Variants in TRIM36 observed in about 807,000 individuals in gnomAD.
TRIM36 encodes the protein tripartite motif containing 36, also known as E3 ubiquitin-protein ligase TRIM36.
Under a neutral mutation model 72.4 loss-of-function variants are expected in TRIM36, and 42 were observed. The ratio of observed to expected loss-of-function variants is 0.58; its 90% CI spans 0.45 to 0.75. TRIM36 has a LOEUF of 0.75. TRIM36 is among the 30% of genes least tolerant of loss of function. TRIM36 has a pLI of 0.00. For missense variants in TRIM36, 913 were observed against 857.1 expected (o/e 1.07, Z -0.81); for synonymous variants, 315 against 282.8 (o/e 1.11, Z -1.14).
intron 1 of TRIM36, among the ~76,000 whole-genome samples, chr5:115,166,335 G>A (rs763729472): frequency 2.0e-5 from 3 of 152,158 alleles, no homozygotes; most frequent in African/African-American, 7.2e-5. Flanking sequence ...GCAGATGATA[G>A]GACGACCTGC....
chr5:115,144,732 G>T lies in TRIM36; in HGVS notation c.601C>A (p.Pro201Thr). ...TNFRPKILMC[P>T]EHETERINMY... Reference sequence around the variant, plus strand: ...TTTATTCTCTCTGTTTCATGTTCTGGGCACATTAAAATCTATTGAGTAAAG... The same window carrying T: ...TTTATTCTCTCTGTTTCATGTTCTGTGCACATTAAAATCTATTGAGTAAAG... The change falls in exon 4 of 10, where the codon CCA (proline) becomes ACA (threonine). Residue 201 changes from proline (P) to threonine (T), a missense_variant. Physicochemically the swap from Pro to Thr is conservative, Grantham distance 38. Coordinates refer to ENST00000513154, the MANE Select transcript of TRIM36 (RefSeq NM_001300759.2). 2 of 1,612,454 alleles carry T rather than the reference G, an allele frequency of 1.2e-6. No homozygotes were observed. The highest frequency in any genetic ancestry group is 1.7e-6 in the Non-Finnish European group (2 of 1,179,714).
At position 115,148,017 on chromosome 5, in the gene TRIM36, C is replaced by T. The variant is rs144602338; in HGVS notation, c.263-623G>A. Reference sequence around the variant, plus strand: ...CAACACTACAATAGAAGCTTTCCCACGTAGTATTGTTTTATCTGGAAAAAT... The same window carrying T: ...CAACACTACAATAGAAGCTTTCCCATGTAGTATTGTTTTATCTGGAAAAAT... On this transcript the variant is annotated intron_variant, in intron 2 of 9. Coordinates refer to ENST00000513154, the MANE Select transcript of TRIM36 (RefSeq NM_001300759.2). Among the ~76,000 whole-genome samples the T allele has an allele frequency of 3.6e-3, 544 of 152,264 alleles. 2 individuals carry two copies. Among genetic ancestry groups the T allele is most frequent in the African/African-American group, 0.012 (506 of 41,560 alleles).
intron 2 of TRIM36, among the ~76,000 whole-genome samples, chr5:115,156,636 C>T (rs1754193257): frequency 6.6e-6 from 1 of 152,146 alleles, no homozygotes; most frequent in Non-Finnish European, 1.5e-5. Flanking sequence ...GAAACTGGAT[C>T]GTCATCTCTC....
At chr5:115,157,067 C>T (rs1317664774) in intron 2 of TRIM36, among the ~76,000 whole-genome samples, 1 of 151,606 alleles carries the variant, frequency 6.6e-6, no homozygotes, top group Non-Finnish European at 1.5e-5. Context: ...TCAAAATGCT[C>T]AGTATTACTA....
rs17137483 is a variant in TRIM36 at position 115,134,154 on chromosome 5, G to A, written c.1211-7C>T. ...ATCTCTGGCACGTCTATGCCTGAAAGAATTATGAAATAGAAAACAACATTA... is the reference window on the plus strand; with the variant it reads ...ATCTCTGGCACGTCTATGCCTGAAAAAATTATGAAATAGAAAACAACATTA... On this transcript the variant is annotated splice_polypyrimidine_tract_variant and splice_region_variant and intron_variant, in intron 7 of 9. Coordinates refer to ENST00000513154, the MANE Select transcript of TRIM36 (RefSeq NM_001300759.2). 85,854 of 1,533,966 alleles carry A rather than the reference G, an allele frequency of 0.056. 5,653 individuals carry two copies. The highest frequency in any genetic ancestry group is 0.33 in the East Asian group (14,304 of 43,340).
rs1753639495 is a variant in TRIM36, at chr5:115,147,220, T to C, written c.437A>G (p.Asp146Gly). Residue 146 changes from aspartate to glycine, a missense_variant, in exon 3 of 10, where the codon GAC becomes GGC. Physicochemically the swap from Asp to Gly is moderately conservative, Grantham distance 94. Transcript: ENST00000513154. ...AARAATAIMC[D>G]LCKPPPQEST... ...TTCTTGAGGTGGTGGTTTACAAAGG[T>C]CACACATAATGGCTGTGGCTGCCCT... The C allele has an allele frequency of 6.2e-7, 1 of 1,614,018 alleles. No homozygotes were observed. The highest frequency in any genetic ancestry group is 1.7e-5 in the Admixed American group (1 of 59,988).
rs369972438 is a variant in TRIM36, at chr5:115,126,855, T to C, written c.1799A>G (p.Tyr600Cys). The C allele has an allele frequency of 2.0e-5, 32 of 1,604,860 alleles. No individual in the cohort carries two copies. Among genetic ancestry groups the C allele is most frequent in the African/African-American group, 1.2e-4 (9 of 74,424 alleles). Residue 600 changes from tyrosine to cysteine, a missense_variant and splice_region_variant, in exon 10 of 10, where the codon TAT becomes TGT. Coordinates refer to ENST00000513154, the MANE Select transcript of TRIM36 (RefSeq NM_001300759.2). ...RSPRDAVSPR[Y>C]EQDSGHDSGS... is the part of the protein sequence containing the mutation. ...ACTGTCATGCCCACTGTCTTGCTCATATCTGAAACATAATACAAAGCATCT... is the reference window on the plus strand; with the variant it reads ...ACTGTCATGCCCACTGTCTTGCTCACATCTGAAACATAATACAAAGCATCT...
chr5:115,177,671 C>T (rs1755396920), intron 1 of TRIM36: 2 of 1,605,328 alleles, frequency 1.2e-6, no homozygotes, highest in African/African-American at 1.3e-5. Flanking sequence ...AGGAAATAAG[C>T]TTACGTTGAA....
chr5:115,139,187 C>A (rs1289158236), intron 5 of TRIM36, among the ~76,000 whole-genome samples: 2 of 149,640 alleles, frequency 1.3e-5, no homozygotes, highest in Non-Finnish European at 3.0e-5. Context: ...ATGGAGTGAT[C>A]TTGGCTCACT....
chr5:115,164,230 T>C (rs1172520213), intron 1 of TRIM36, among the ~76,000 whole-genome samples: 2 of 152,156 alleles, frequency 1.3e-5, no homozygotes, highest in African/African-American at 4.8e-5. Flanking sequence ...GGAAACCTAG[T>C]TGGTATCTAT....
chr5:115,125,674 C>G lies in TRIM36; in HGVS notation c.*829G>C, dbSNP rs774146092. On this transcript the variant is annotated 3_prime_UTR_variant, in exon 10 of 10. Transcript: ENST00000513154. ...TATCAGTCCATCTTTACCAATATATCTGAAAAATAATTCTTTGACATAAGA... is the reference window on the plus strand; with the variant it reads ...TATCAGTCCATCTTTACCAATATATGTGAAAAATAATTCTTTGACATAAGA... 1 of 151,876 alleles carries G rather than the reference C, an allele frequency of 6.6e-6. No homozygotes were observed. The highest frequency in any genetic ancestry group is 1.5e-5 in the Non-Finnish European group (1 of 67,932). 9.4% of individuals were successfully genotyped at this position (151,876 alleles called of 1,614,324 possible).
At chr5:115,146,025 T>C (rs1226820569) in intron 3 of TRIM36, among the ~76,000 whole-genome samples, 1 of 152,208 alleles carries the variant, frequency 6.6e-6, no homozygotes, top group Non-Finnish European at 1.5e-5. Context: ...TATCCATGTT[T>C]CTTTGGTGTT....
At chr5:115,175,510 T>G (rs965741292) in intron 1 of TRIM36, among the ~76,000 whole-genome samples, 80 of 152,254 alleles carry the variant, frequency 5.3e-4, no homozygotes, top group African/African-American at 1.8e-3. Context: ...GGCCATATAC[T>G]AAAAAGCCAG....
At chr5:115,149,742 T>C (rs1487120735) in intron 2 of TRIM36, 1 of 151,802 alleles carries the variant, frequency 6.6e-6, no homozygotes, top group African/African-American at 2.4e-5. Context: ...ATCTTGGCTA[T>C]CTTTCTAAAC....
chr5:115,143,030 G>A (rs1753357845), intron 4 of TRIM36, among the ~76,000 whole-genome samples: 1 of 151,958 alleles, frequency 6.6e-6, no homozygotes, highest in Non-Finnish European at 1.5e-5. Context: ...ATGTATCTAA[G>A]AAGAGACTGT....
chr5:115,131,149 G>A (rs1752653702), intron 8 of TRIM36, among the ~76,000 whole-genome samples: 1 of 151,958 alleles, frequency 6.6e-6, no homozygotes, highest in East Asian at 1.9e-4. Flanking sequence ...TATAAAAACA[G>A]CTCTTTGGAA....
Position 115,134,161 on chromosome 5 carries a change from G to A in TRIM36, c.1211-14C>T. The A allele has an allele frequency of 2.0e-6, 3 of 1,526,624 alleles. No homozygotes were observed. Among genetic ancestry groups the A allele is most frequent in the East Asian group, 2.3e-5 (1 of 43,270 alleles). The allele number at this position is 1,526,624 out of a possible 1,614,324, so 94.6% of individuals were successfully genotyped here. A position where few individuals can be genotyped will look rare whatever the true frequency, so the allele number is the denominator to read the frequency against. ...GCACGTCTATGCCTGAAAGAATTAT[G>A]AAATAGAAAACAACATTAAAATATT... On this transcript the variant is annotated splice_polypyrimidine_tract_variant and intron_variant, in intron 7 of 9. Transcript: ENST00000513154.
At chr5:115,172,750 G>T (rs1347029819), upstream of TRIM36, among the ~76,000 whole-genome samples, 1 of 149,500 alleles carries the variant, frequency 6.7e-6, no homozygotes, top group African/African-American at 2.5e-5. Flanking sequence ...AAAAAAAAAA[G>T]TACAAAACCA....
At chr5:115,138,128 C>A (rs191026061) in intron 5 of TRIM36, among the ~76,000 whole-genome samples, 172 of 152,334 alleles carry the variant, frequency 1.1e-3, no homozygotes, top group African/African-American at 4.0e-3. Context: ...GAGACAGAGT[C>A]TCGCTCTGTC....
Sources: gnomAD v4.1 joint callset for allele counts (sites outside exome capture counted in the v4.1 genomes callset) on GRCh38, gnomAD v4.1.1 for gene constraint, MANE v1.5 for transcripts, NCBI Gene and HGNC (gene_info 2026-07-23, HGNC 2026-07-21) for gene names.